Variants in NCAM1 observed in about 807,000 individuals in gnomAD.
NCAM1 encodes antigen recognized by monoclonal antibody 5.1H11.
In NCAM1, 14 loss-of-function variants were observed where a neutral mutation model predicts 109.8. That is an observed-to-expected ratio of 0.13 (90% CI 0.08 to 0.20). The LOEUF is 0.20. Among genes scored for constraint, NCAM1 ranks in the 10% least tolerant of loss-of-function variants. The probability of loss-of-function intolerance (pLI) is 1.00; values close to 1 mark genes in which losing one functional copy is unlikely to be tolerated. For synonymous variants in NCAM1, 418 were observed against 442.9 expected (o/e 0.94, Z 0.70); for missense variants, 774 against 1,109.9 (o/e 0.70, Z 4.30).
At chr11:112,982,857 A>T (rs1951190146) in intron 1 of NCAM1, among the ~76,000 whole-genome samples, 1 of 151,916 alleles carries the variant, frequency 6.6e-6, no homozygotes, top group Non-Finnish European at 1.5e-5. Context: ...AAGAAAAGCC[A>T]GGTATACCGC....
At chr11:113,203,288 C>A (rs1447267539) in intron 2 of NCAM1, among the ~76,000 whole-genome samples, 2 of 152,196 alleles carry the variant, frequency 1.3e-5, no homozygotes, top group Non-Finnish European at 2.9e-5. Context: ...TGTGTTCACT[C>A]CAGCTTTGCC....
chr11:113,146,687 C>T (rs1382718403), intron 1 of NCAM1, among the ~76,000 whole-genome samples: 4 of 152,138 alleles, frequency 2.6e-5, no homozygotes, highest in East Asian at 3.8e-4. Context: ...GCCAGGGCAG[C>T]GATGGAGTTG....
Position 113,231,629 on chromosome 11 carries a change from C to G in NCAM1, c.1090-16C>G. The G allele has an allele frequency of 5.0e-6, 8 of 1,611,448 alleles. No homozygotes were observed. Among genetic ancestry groups the G allele is most frequent in the Non-Finnish European group, 6.8e-6 (8 of 1,178,224 alleles). ...CTTGGGCTCTGACATGCTCCCTTCC[C>G]CCCCACCCCCGGCAGACTCTGGATG... On this transcript the variant is annotated splice_polypyrimidine_tract_variant and intron_variant, in intron 9 of 19. Transcript: ENST00000316851.
chr11:113,216,181 C>T (rs1944523795), intron 8 of NCAM1, among the ~76,000 whole-genome samples: 1 of 127,866 alleles, frequency 7.8e-6, no homozygotes. Flanking sequence ...GACGGAGTCT[C>T]GCTGTCGCCC....
intron 1 of NCAM1, among the ~76,000 whole-genome samples, chr11:113,019,271 G>A (rs1555075826): frequency 6.6e-6 from 1 of 152,044 alleles, no homozygotes; most frequent in Non-Finnish European, 1.5e-5. Flanking sequence ...AGTCTTCCAA[G>A]GAGTTCTTAG....
intron 1 of NCAM1, among the ~76,000 whole-genome samples, chr11:113,121,909 T>C (rs1449363674): frequency 2.6e-5 from 4 of 152,212 alleles, no homozygotes; most frequent in Non-Finnish European, 5.9e-5. Context: ...GATCTTAAAT[T>C]CTTATCTGGT....
chr11:113,114,003 G>A (rs1374252718), intron 1 of NCAM1, among the ~76,000 whole-genome samples: 1 of 152,192 alleles, frequency 6.6e-6, no homozygotes, highest in East Asian at 1.9e-4. Context: ...TTTTAAACTA[G>A]CGATGTATTC....
Position 112,961,563 on chromosome 11 carries a change from G to GT in NCAM1, c.-50_-49insT. 1 of 1,175,562 alleles carries GT rather than the reference G, an allele frequency of 8.5e-7. No individual in the cohort carries two copies. The highest frequency in any genetic ancestry group is 1.3e-6 in the Non-Finnish European group (1 of 781,170). 72.8% of individuals were successfully genotyped at this position (1,175,562 alleles called of 1,614,324 possible). A position where few individuals can be genotyped will look rare whatever the true frequency, so the allele number is the denominator to read the frequency against. ...CGTCCACACTCGCTGCAGGGGGGGGGGCACAGAATTTACCGCGGCAAGAAC... is the reference window on the plus strand; with the variant it reads ...CGTCCACACTCGCTGCAGGGGGGGGGTGCACAGAATTTACCGCGGCAAGAAC... On this transcript the variant is annotated 5_prime_UTR_variant, in exon 1 of 20. Coordinates refer to ENST00000316851, the MANE Select transcript of NCAM1 (RefSeq NM_181351.5).
intron 14 of NCAM1, among the ~76,000 whole-genome samples, chr11:113,236,967 C>T (rs537941687): frequency 1.1e-3 from 160 of 152,298 alleles, no homozygotes; most frequent in Non-Finnish European, 4.0e-4. Context: ...TCTCTAGTTC[C>T]GGTCAGCTCT....
intron 1 of NCAM1, among the ~76,000 whole-genome samples, chr11:113,081,138 C>G (rs1251662793): frequency 6.6e-6 from 1 of 152,160 alleles, no homozygotes; most frequent in Non-Finnish European, 1.5e-5. Context: ...TCCTGATAAA[C>G]ATTGGGGATG....
At chr11:113,112,514 T>C (rs1336696078) in intron 1 of NCAM1, among the ~76,000 whole-genome samples, 1 of 152,224 alleles carries the variant, frequency 6.6e-6, no homozygotes, top group Non-Finnish European at 1.5e-5. Flanking sequence ...ACCATTGTCA[T>C]GAAGTCACCG....
chr11:112,967,223 C>G (rs994563607), intron 1 of NCAM1, among the ~76,000 whole-genome samples: 1 of 152,180 alleles, frequency 6.6e-6, no homozygotes, highest in Admixed American at 6.5e-5. Context: ...TAATCACCTC[C>G]TTTGGTATCT....
chr11:113,017,463 GTATT>G (rs1952238950), intron 1 of NCAM1, among the ~76,000 whole-genome samples: 1 of 152,154 alleles, frequency 6.6e-6, no homozygotes, highest in Non-Finnish European at 1.5e-5. Context: ...ACAATGGTTA[GTATT>G]CCCCTGATAT....
At chr11:113,136,540 G>A (rs538243385) in intron 1 of NCAM1, among the ~76,000 whole-genome samples, 2 of 152,306 alleles carry the variant, frequency 1.3e-5, no homozygotes, top group Admixed American at 6.5e-5. Context: ...TCAGGAAGAC[G>A]AGGAGGCATG....
intron 1 of NCAM1, among the ~76,000 whole-genome samples, chr11:113,063,550 G>T (rs1382240883): frequency 6.6e-6 from 1 of 152,294 alleles, no homozygotes; most frequent in South Asian, 2.1e-4. Context: ...TTCTTCAGAT[G>T]AACTGCTTCA....
At chr11:113,153,425 T>TG (rs1434241111) in intron 1 of NCAM1, among the ~76,000 whole-genome samples, 1 of 147,228 alleles carries the variant, frequency 6.8e-6, no homozygotes, top group Non-Finnish European at 1.5e-5. Context: ...GATTTGGCAG[T>TG]GGGGAGGGGG....
intron 1 of NCAM1, among the ~76,000 whole-genome samples, chr11:113,132,418 G>T (rs1555098494): frequency 6.6e-6 from 1 of 152,076 alleles, no homozygotes; most frequent in African/African-American, 2.4e-5. Flanking sequence ...TCCTGCCTCA[G>T]CTCTAGATAA....
chr11:113,262,780 C>T (rs1946045475), intron 17 of NCAM1: 1 of 1,559,578 alleles, frequency 6.4e-7, no homozygotes, highest in Admixed American at 1.8e-5. Flanking sequence ...CTGGGACATC[C>T]CCACTGCCAC....
chr11:113,061,203 A>G (rs2135485668), intron 1 of NCAM1, among the ~76,000 whole-genome samples: 1 of 152,266 alleles, frequency 6.6e-6, no homozygotes, highest in South Asian at 2.1e-4. Context: ...TTCACTTAGC[A>G]TAATATCCTC....
Sources: allele counts gnomAD v4.1 joint callset (sites outside exome capture counted in the v4.1 genomes callset), GRCh38; gene constraint gnomAD v4.1.1; transcripts MANE v1.5; gene names NCBI Gene and HGNC (gene_info 2026-07-23, HGNC 2026-07-21).